The following HAUS6 variants were observed in gnomAD, a reference collection of about 807,000 sequenced individuals.
HAUS6 encodes the protein HAUS augmin like complex subunit 6.
HAUS6 carries 80 observed loss-of-function variants against 106.8 expected under a neutral mutation model. The ratio of observed to expected loss-of-function variants is 0.75; its 90% CI spans 0.63 to 0.90. The LOEUF (loss-of-function observed/expected upper bound fraction) is 0.90, where lower values mean the gene tolerates loss of function less well. HAUS6 is among the 40% of genes least tolerant of loss of function. The pLI is 0.00. For missense variants in HAUS6, 1,155 were observed against 1,118.1 expected, an observed-to-expected ratio of 1.03 and a Z score of -0.47; for synonymous variants, 356 against 379.1, an observed-to-expected ratio of 0.94 and a Z score of 0.71.
rs1371826991 is a variant in HAUS6, at chr9:19,054,866, A to G, written c.*1477T>C. The G allele has an allele frequency of 6.6e-6, 1 of 152,230 alleles. No homozygotes were observed. The highest frequency in any genetic ancestry group is 1.9e-4 in the East Asian group (1 of 5,200). 9.4% of individuals were successfully genotyped at this position (152,230 alleles called of 1,614,324 possible). ...CTTTGGCACTTCTGCAGATGCTGAT[A>G]AGACAGTATCACATGCTAAGTTAAG... On this transcript the variant is annotated 3_prime_UTR_variant, in exon 17 of 17. Transcript: ENST00000380502.
At chr9:19,089,793 G>T in intron 4 of HAUS6, 2 of 507,422 alleles carry the variant, frequency 3.9e-6, no homozygotes, top group South Asian at 5.5e-5. Context: ...CCAAAAGCTA[G>T]TATACCACAA....
rs1002716168 is a variant in HAUS6 at position 19,056,171 on chromosome 9, C to T, written c.*172G>A. On this transcript the variant is annotated 3_prime_UTR_variant, in exon 17 of 17. Coordinates refer to ENST00000380502, the MANE Select transcript of HAUS6 (RefSeq NM_017645.5). Reference sequence around the variant, plus strand: ...ACCTACAAAGAGGAAAAAATCCAAACATACTTTCCTTACCTAAAAATATTA... The same window carrying T: ...ACCTACAAAGAGGAAAAAATCCAAATATACTTTCCTTACCTAAAAATATTA... 34 of 504,082 alleles carry T rather than the reference C, an allele frequency of 6.7e-5. No homozygotes were observed. The highest frequency in any genetic ancestry group is 1.1e-4 in the Non-Finnish European group (30 of 283,626). 31.2% of individuals were successfully genotyped at this position (504,082 alleles called of 1,614,324 possible).
chr9:19,095,282 T>C (rs1005307412), intron 2 of HAUS6, among the ~76,000 whole-genome samples: 1 of 152,104 alleles, frequency 6.6e-6, no homozygotes, highest in African/African-American at 2.4e-5. Context: ...CAGTCAGGCT[T>C]TTCCAAATTT....
At chr9:19,078,114 G>C (rs1837051422) in intron 10 of HAUS6, 62 bp downstream of exon 10, 1 of 1,234,396 alleles carries the variant, frequency 8.1e-7, no homozygotes, top group Non-Finnish European at 1.1e-6. Context: ...GCAAGACACT[G>C]TCTCAAAAAA....
At chr9:19,074,365 G>A (rs932764513) in intron 11 of HAUS6, among the ~76,000 whole-genome samples, 8 of 152,026 alleles carry the variant, frequency 5.3e-5, no homozygotes, top group South Asian at 2.1e-4. Flanking sequence ...TTGAACTCCC[G>A]GGCTCAAATG....
Position 19,067,510 on chromosome 9 carries a change from C to T in HAUS6, c.1376+2709G>A, listed in dbSNP as rs572885831. ...ATTTCAAATCTATAATTAAAATAAT[C>T]AGAATATAACTAAAAGATTCAGGAG... On this transcript the variant is annotated intron_variant, in intron 12 of 16. Coordinates refer to ENST00000380502, the MANE Select transcript of HAUS6 (RefSeq NM_017645.5). Among the ~76,000 whole-genome samples, 19 of 152,212 alleles carry T rather than the reference C, an allele frequency of 1.2e-4. No homozygotes were observed. In the East Asian group the frequency reaches 3.7e-3, roughly 29 times the overall value.
chr9:19,072,657 A>G (rs1836904476), intron 11 of HAUS6, among the ~76,000 whole-genome samples: 1 of 152,210 alleles, frequency 6.6e-6, no homozygotes, highest in Non-Finnish European at 1.5e-5. Flanking sequence ...CTAAACTATC[A>G]TTCAAAAATG....
At chr9:19,078,778 CAA>C (rs1050318931) in intron 9 of HAUS6, among the ~76,000 whole-genome samples, 4 of 142,512 alleles carry the variant, frequency 2.8e-5, no homozygotes, top group Non-Finnish European at 4.6e-5. Context: ...GCCTGGGAGA[CAA>C]GAGTAAAACT....
intron 1 of HAUS6, among the ~76,000 whole-genome samples, chr9:19,098,238 G>A (rs1331851137): frequency 1.3e-5 from 2 of 152,114 alleles, no homozygotes; most frequent in Non-Finnish European, 2.9e-5. Context: ...AAGAGATTGA[G>A]ACCATCCTGG....
Position 19,089,542 on chromosome 9 carries a change from C to A in HAUS6, c.454G>T (p.Val152Leu), listed in dbSNP as rs1817701493. The A allele has an allele frequency of 1.2e-6, 2 of 1,609,758 alleles. No homozygotes were observed. The highest frequency in any genetic ancestry group is 4.5e-5 in the East Asian group (2 of 44,788). ...TGTGGTTTTATGTTAAATGTCTCTACAAAATGATGAGAAGAATCTACACAG... is the reference window on the plus strand; with the variant it reads ...TGTGGTTTTATGTTAAATGTCTCTAAAAAATGATGAGAAGAATCTACACAG... ...SNSKNSSHHF[V>L]ETFNIKPQDL... is the part of the protein sequence containing the mutation. The change falls in exon 5 of 17, where the codon GTA (valine) becomes TTA (leucine). Residue 152 changes from valine (V) to leucine (L), a missense_variant. By Grantham distance (32) the Val-to-Leu change is conservative. This residue lies in a region of HAUS6 where 761 missense variants were observed against 690.0 expected (regional missense o/e 1.10). Transcript: ENST00000380502.
At chr9:19,067,906 C>T (rs1325977827) in intron 12 of HAUS6, among the ~76,000 whole-genome samples, 1 of 151,900 alleles carries the variant, frequency 6.6e-6, no homozygotes, top group African/African-American at 2.4e-5. Context: ...GTTGGTCAGG[C>T]TAGTCTCGAA....
chr9:19,084,881 A>C lies in HAUS6; in HGVS notation c.700-1838T>G, dbSNP rs146860250. On this transcript the variant is annotated intron_variant, in intron 7 of 16. Transcript: ENST00000380502. The stretch of plus-strand genomic sequence containing the variant: ...TCCTGGCCTCAAGTGATCCAACCAT[A>C]TCGGCCTCCCAAAGTGCTCACAGGC... 4.1e-3 allele frequency among the ~76,000 whole-genome samples: 629 copies of C among 151,802 alleles called. 3 individuals are homozygous for C. Among genetic ancestry groups the C allele is most frequent in the African/African-American group, 0.015 (604 of 41,434 alleles).
intron 11 of HAUS6, among the ~76,000 whole-genome samples, chr9:19,076,160 G>T (rs1464424195): frequency 1.3e-5 from 2 of 150,430 alleles, no homozygotes; most frequent in African/African-American, 4.9e-5. Flanking sequence ...AGGAGTTCAA[G>T]ATCAGCCCGG....
At position 19,070,312 on chromosome 9, in the gene HAUS6, T is replaced by A; in HGVS notation, c.1295-12A>T. The A allele has an allele frequency of 7.1e-7, 1 of 1,403,838 alleles. No homozygotes were observed. Among genetic ancestry groups the A allele is most frequent in the Non-Finnish European group, 1.0e-6 (1 of 991,624 alleles). The allele number at this position is 1,403,838 out of a possible 1,614,324, so 87.0% of individuals were successfully genotyped here. A position where few individuals can be genotyped will look rare whatever the true frequency, so the allele number is the denominator to read the frequency against. On this transcript the variant is annotated splice_polypyrimidine_tract_variant and intron_variant, in intron 11 of 16. Transcript: ENST00000380502. ...TTGCTTATGTGCATCTAAAGAAATTTAAAAATTGGTTACTCTTTAATTATG... is the reference window on the plus strand; with the variant it reads ...TTGCTTATGTGCATCTAAAGAAATTAAAAAATTGGTTACTCTTTAATTATG...
chr9:19,089,709 C>T (rs1817704875), intron 4 of HAUS6, 150 bp from the exon 5 acceptor site: 2 of 536,614 alleles, frequency 3.7e-6, no homozygotes, highest in South Asian at 6.0e-5. Flanking sequence ...AACAGACTTA[C>T]AAGCTAATAA....
In HAUS6 at chr9:19,080,690, G is replaced by GA; in HGVS notation, c.871-19dup. On this transcript the variant is annotated intron_variant, in intron 8 of 16. Transcript: ENST00000380502. Reference sequence around the variant, plus strand: ...ATGTGCAACTAAGGAATCAGGAGGAGAAAAAAATTGGTGAACTATAGGTTG... The same window carrying GA: ...ATGTGCAACTAAGGAATCAGGAGGAGAAAAAAAATTGGTGAACTATAGGTTG... 6.7e-7 allele frequency: 1 copy of GA among 1,497,536 alleles called. No individual in the cohort carries two copies. The highest frequency in any genetic ancestry group is 1.2e-5 in the South Asian group (1 of 85,074). 92.8% of individuals were successfully genotyped at this position (1,497,536 alleles called of 1,614,324 possible).
chr9:19,079,213 T>A (rs1366031698), intron 9 of HAUS6, among the ~76,000 whole-genome samples: 2 of 150,532 alleles, frequency 1.3e-5, no homozygotes, highest in African/African-American at 4.9e-5. Flanking sequence ...TATTACTCCA[T>A]TTTATTATTT....
chr9:19,089,992 C>A (rs1328749817), intron 4 of HAUS6, among the ~76,000 whole-genome samples: 2 of 151,884 alleles, frequency 1.3e-5, no homozygotes, highest in Non-Finnish European at 2.9e-5. Context: ...ACCACCATGC[C>A]CAGCTAGTTT....
chr9:19,063,411 T>C, intron 13 of HAUS6, 103 bp downstream of exon 13: 1 of 680,140 alleles, frequency 1.5e-6, no homozygotes, highest in Non-Finnish European at 2.5e-6. Context: ...TAGTAGAAAA[T>C]GTGAAATTAG....
Sources: allele counts gnomAD v4.1 joint callset (sites outside exome capture counted in the v4.1 genomes callset), GRCh38; gene constraint gnomAD v4.1.1; regional missense constraint gnomAD v4.1.1; transcripts MANE v1.5; gene names NCBI Gene and HGNC (gene_info 2026-07-23, HGNC 2026-07-21).